LRP1B: variants seen among roughly 807,000 people sequenced by gnomAD.
LRP1B encodes LDL receptor related protein 1B.
LRP1B carries 217 observed loss-of-function variants against 556.6 expected under a neutral mutation model. The ratio of observed to expected loss-of-function variants is 0.39; its 90% CI spans 0.35 to 0.44. The LOEUF (loss-of-function observed/expected upper bound fraction) is 0.44. LRP1B is among the 20% of genes least tolerant of loss of function. The probability of loss-of-function intolerance (pLI) is 1.00; values close to 1 mark genes in which losing one functional copy is unlikely to be tolerated. For synonymous variants in LRP1B, 2,047 were observed against 1,865.8 expected (o/e 1.10, Z -2.50); for missense variants, 5,053 against 5,620.8 (o/e 0.90, Z 3.23).
chr2:141,925,053 G>T lies in LRP1B; in HGVS notation c.83-114652C>A, dbSNP rs1463084541. Among the ~76,000 whole-genome samples the T allele has an allele frequency of 7.9e-5, 12 of 152,230 alleles. 1 individual carries two copies. In the East Asian group the frequency reaches 2.3e-3, roughly 29 times the overall value. On this transcript the variant is annotated intron_variant, in intron 1 of 90. Coordinates refer to ENST00000389484, the MANE Select transcript of LRP1B (RefSeq NM_018557.3). ...AGCATATGACAAGTCTGACAAGAAG[G>T]CTTTTTCAACAGGGAATAGATATAA...
chr2:141,959,829 G>T (rs1054759567), intron 1 of LRP1B, among the ~76,000 whole-genome samples: 1 of 151,850 alleles, frequency 6.6e-6, no homozygotes, highest in Non-Finnish European at 1.5e-5. Flanking sequence ...ACATGTGGCT[G>T]GTAGCTACTG....
chr2:140,612,538 A>G (rs1178027706), intron 41 of LRP1B, among the ~76,000 whole-genome samples: 1 of 152,116 alleles, frequency 6.6e-6, no homozygotes. Flanking sequence ...TCAACAAGTC[A>G]CACGTCACCG....
chr2:141,110,433 C>G (rs1700721103), intron 7 of LRP1B, among the ~76,000 whole-genome samples: 1 of 152,020 alleles, frequency 6.6e-6, no homozygotes, highest in African/African-American at 2.4e-5. Flanking sequence ...GACAGATTAA[C>G]AAGAGAAGGA....
At chr2:141,121,838 C>T (rs1446789282) in intron 7 of LRP1B, among the ~76,000 whole-genome samples, 3 of 152,246 alleles carry the variant, frequency 2.0e-5, no homozygotes, top group African/African-American at 4.8e-5. Context: ...ATCACGCTAC[C>T]TGACTTCATG....
chr2:141,019,626 A>G (rs1357926791), intron 12 of LRP1B, among the ~76,000 whole-genome samples: 1 of 152,044 alleles, frequency 6.6e-6, no homozygotes, highest in African/African-American at 2.4e-5. Flanking sequence ...GGTTGAATTG[A>G]TTATTTATCT....
chr2:141,436,686 A>G (rs551405780), intron 3 of LRP1B, among the ~76,000 whole-genome samples: 247 of 152,268 alleles, frequency 1.6e-3, no homozygotes, highest in African/African-American at 5.8e-3. Context: ...ACCTACCTTG[A>G]AAATTACTAG....
At chr2:140,557,817 T>G (rs1291218623) in intron 43 of LRP1B, among the ~76,000 whole-genome samples, 2 of 152,272 alleles carry the variant, frequency 1.3e-5, no homozygotes, top group African/African-American at 2.4e-5. Flanking sequence ...GCAGCTTGCC[T>G]CTCTTTACTA....
intron 2 of LRP1B, among the ~76,000 whole-genome samples, chr2:141,590,880 T>C (rs1687310200): frequency 2.0e-5 from 3 of 152,104 alleles, no homozygotes; most frequent in Non-Finnish European, 4.4e-5. Flanking sequence ...GTTACAGAAG[T>C]CCTTTCCGTT....
chr2:141,661,086 AG>A (rs889165770), intron 2 of LRP1B, among the ~76,000 whole-genome samples: 1 of 152,172 alleles, frequency 6.6e-6, no homozygotes, highest in African/African-American at 2.4e-5. Flanking sequence ...CCGATGGAAG[AG>A]GGACCTGACT....
chr2:140,263,244 C>T (rs1682029924), intron 86 of LRP1B, among the ~76,000 whole-genome samples: 1 of 152,038 alleles, frequency 6.6e-6, no homozygotes, highest in Non-Finnish European at 1.5e-5. Context: ...AATAGACTGG[C>T]CACCCGTGGA....
At chr2:140,945,473 A>G (rs936816506) in intron 20 of LRP1B, among the ~76,000 whole-genome samples, 1 of 152,198 alleles carries the variant, frequency 6.6e-6, no homozygotes, top group Non-Finnish European at 1.5e-5. Flanking sequence ...ACAAGGCTAC[A>G]GTAGCCCAAA....
intron 60 of LRP1B, among the ~76,000 whole-genome samples, chr2:140,472,250 G>A (rs1443703875): frequency 6.6e-6 from 1 of 151,946 alleles, no homozygotes; most frequent in Non-Finnish European, 1.5e-5. Flanking sequence ...ATGAATGATG[G>A]GCATAGTTAA....
At chr2:141,786,751 A>G (rs1695440665) in intron 2 of LRP1B, among the ~76,000 whole-genome samples, 1 of 151,968 alleles carries the variant, frequency 6.6e-6, no homozygotes, top group Admixed American at 6.6e-5. Context: ...ACCTCTCACC[A>G]TTAATGATGA....
At chr2:141,508,919 A>C (rs1229314740) in intron 2 of LRP1B, among the ~76,000 whole-genome samples, 1 of 152,154 alleles carries the variant, frequency 6.6e-6, no homozygotes, top group East Asian at 1.9e-4. Flanking sequence ...CAACAATTAG[A>C]GAAATATAAA....
At chr2:141,672,919 G>A (rs971662871) in intron 2 of LRP1B, among the ~76,000 whole-genome samples, 8 of 152,236 alleles carry the variant, frequency 5.3e-5, no homozygotes, top group African/African-American at 1.9e-4. Flanking sequence ...TTCAGGTTGA[G>A]GACAGTCCTA....
chr2:141,665,112 T>A (rs1255005092), intron 2 of LRP1B, among the ~76,000 whole-genome samples: 1 of 152,120 alleles, frequency 6.6e-6, no homozygotes, highest in Non-Finnish European at 1.5e-5. Flanking sequence ...GGGAAAGGAT[T>A]CCCTATTTAA....
chr2:140,407,875 A>C (rs947391353), intron 66 of LRP1B, among the ~76,000 whole-genome samples: 7 of 152,022 alleles, frequency 4.6e-5, no homozygotes, highest in Non-Finnish European at 1.0e-4. Context: ...AGACACATGC[A>C]CATGCATGTT....
chr2:140,968,618 T>C (rs1696310771), intron 18 of LRP1B, among the ~76,000 whole-genome samples: 2 of 152,302 alleles, frequency 1.3e-5, no homozygotes, highest in African/African-American at 4.8e-5. Context: ...TCAATTGTGA[T>C]GTTAAGGCGT....
chr2:141,667,629 T>C (rs1011766386), intron 2 of LRP1B, among the ~76,000 whole-genome samples: 1 of 152,218 alleles, frequency 6.6e-6, no homozygotes, highest in Non-Finnish European at 1.5e-5. Flanking sequence ...CTTTAGACCA[T>C]ATATGTTCTA....
Sources: gnomAD v4.1 joint callset for allele counts (sites outside exome capture counted in the v4.1 genomes callset) on GRCh38, gnomAD v4.1.1 for gene constraint, MANE v1.5 for transcripts, NCBI Gene and HGNC (gene_info 2026-07-23, HGNC 2026-07-21) for gene names.